Variants in PSMB8 observed in about 807,000 individuals in gnomAD.
PSMB8 encodes proteasome subunit beta type-8.
Under a neutral mutation model 32.3 loss-of-function variants are expected in PSMB8, and 20 were observed. The observed-to-expected ratio is 0.62, with a 90% confidence interval of 0.44 to 0.90. PSMB8 has a LOEUF of 0.90. PSMB8 is among the 40% of genes least tolerant of loss of function. The pLI is 0.00. For synonymous variants in PSMB8, 131 were observed against 135.4 expected, an observed-to-expected ratio of 0.97 and a Z score of 0.23; for missense variants, 342 against 365.4, an observed-to-expected ratio of 0.94 and a Z score of 0.52.
At chr6:32,843,706 C>T in intron 1 of PSMB8, 144 bp downstream of exon 1, 1 of 992,582 alleles carries the variant, frequency 1.0e-6, no homozygotes, top group South Asian at 1.4e-5. Context: ...GTGGCCTCTT[C>T]TTTGGGTCTG....
chr6:32,842,678 T>G lies in PSMB8; in HGVS notation c.401A>C (p.Glu134Ala). 6.2e-7 allele frequency: 1 copy of G among 1,613,648 alleles called. No individual in the cohort carries two copies. The highest frequency in any genetic ancestry group is 8.5e-7 in the Non-Finnish European group (1 of 1,179,700). ...CQYWERLLAK[E>A]CRLYYLRNGE... is the part of the protein sequence containing the mutation. ...GATGAGAGGCCTCGCTTACCTGCAT[T>G]CCTTGGCCAGCAGGCGCTCCCAGTA... Residue 134 changes from glutamate (E) to alanine (A), a missense_variant, in exon 3 of 6, where the codon GAA becomes GCA. Transcript: ENST00000374882.
At chr6:32,843,201 C>A (rs565842666) in intron 1 of PSMB8, 112 bp from the exon 2 acceptor site, 20 of 1,230,078 alleles carry the variant, frequency 1.6e-5, no homozygotes, top group Admixed American at 5.6e-5. Context: ...ATGATCTAAC[C>A]ATCAATAAAT....
chr6:32,844,285 GC>G (rs990300757), upstream of PSMB8: 3 of 1,613,820 alleles, frequency 1.9e-6, no homozygotes, highest in Admixed American at 5.0e-5. Context: ...GTACCTCCAG[GC>G]CCGGGCATCC....
chr6:32,844,558 G>A, upstream of PSMB8: 1 of 993,220 alleles, frequency 1.0e-6, no homozygotes. Flanking sequence ...CTTTCCACGG[G>A]GTCCATCCTA....
chr6:32,842,662 C>A lies in PSMB8; in HGVS notation c.407+10G>T, dbSNP rs766223484. On this transcript the variant is annotated intron_variant, in intron 3 of 5. Transcript: ENST00000374882. The stretch of plus-strand genomic sequence containing the variant: ...TAGGCTAAGAAAGGAAGATGAGAGG[C>A]CTCGCTTACCTGCATTCCTTGGCCA... 6.2e-7 allele frequency: 1 copy of A among 1,604,132 alleles called. No homozygotes were observed. Among genetic ancestry groups the A allele is most frequent in the Non-Finnish European group, 8.5e-7 (1 of 1,171,446 alleles).
chr6:32,842,911 A>G (rs749902377), intron 2 of PSMB8, 31 bp downstream of exon 2: 138 of 1,613,836 alleles, frequency 8.6e-5, no homozygotes, highest in Non-Finnish European at 1.1e-4. Flanking sequence ...CCAGCTCCCC[A>G]GATTCTGCCT....
At chr6:32,841,325 C>T (rs1198126982) in intron 5 of PSMB8, among the ~76,000 whole-genome samples, 1 of 152,162 alleles carries the variant, frequency 6.6e-6, no homozygotes, top group East Asian at 1.9e-4. Flanking sequence ...GCAAGCTCCA[C>T]CTCCCAGGTT....
At chr6:32,843,324 CAT>C (rs1251994324) in intron 1 of PSMB8, among the ~76,000 whole-genome samples, 1 of 152,192 alleles carries the variant, frequency 6.6e-6, no homozygotes, top group African/African-American at 2.4e-5. Context: ...AAAGCAAGCA[CAT>C]GTTACCATTA....
intron 3 of PSMB8, 51 bp from the exon 4 acceptor site, chr6:32,842,314 T>C: frequency 1.9e-6 from 3 of 1,600,722 alleles, no homozygotes; most frequent in Non-Finnish European, 2.6e-6. Flanking sequence ...TCTTTCCAAC[T>C]TGATGGGGCA....
chr6:32,842,555 T>A (rs1174804611), intron 3 of PSMB8, 117 bp downstream of exon 3: 1 of 1,043,018 alleles, frequency 9.6e-7, no homozygotes, highest in Non-Finnish European at 1.5e-6. Context: ...AGCTGTTTTG[T>A]GAAATATACT....
At chr6:32,842,093 G>T in intron 4 of PSMB8, 41 bp downstream of exon 4, 3 of 1,612,990 alleles carry the variant, frequency 1.9e-6, no homozygotes, top group Non-Finnish European at 2.5e-6. Flanking sequence ...GTCATCCATA[G>T]GGAACATGGT....
chr6:32,842,714 G>C lies in PSMB8; in HGVS notation c.365C>G (p.Ala122Gly). ...YLLGTMSGCAADCQYWERLLA... is the reference protein window; with the variant it reads ...YLLGTMSGCAGDCQYWERLLA... ...CAGGCGCTCCCAGTACTGACAGTCT[G>C]CTGCACAGCCAGACATGGTGCCAAG... The change falls in exon 3 of 6, where the codon GCA (alanine) becomes GGA (glycine). Residue 122 changes from alanine (A) to glycine (G), a missense_variant. Transcript: ENST00000374882. 2 of 1,614,254 alleles carry C rather than the reference G, an allele frequency of 1.2e-6. No homozygotes were observed. Among genetic ancestry groups the C allele is most frequent in the South Asian group, 2.2e-5 (2 of 91,090 alleles).
At chr6:32,844,267 A>G, upstream of PSMB8, 2 of 1,613,684 alleles carry the variant, frequency 1.2e-6, no homozygotes, top group Non-Finnish European at 1.7e-6. Context: ...GATGGGTTAC[A>G]GTAAGAGGTA....
Position 32,841,655 on chromosome 6 carries a change from A to T in PSMB8, c.618T>A (p.Tyr206Ter). 1 of 1,613,016 alleles carries T rather than the reference A, an allele frequency of 6.2e-7. No homozygotes were observed. Among genetic ancestry groups the T allele is most frequent in the South Asian group, 1.1e-5 (1 of 91,088 alleles). The change falls in exon 5 of 6, where the codon TAT becomes TAA. Residue 206 changes from tyrosine to a stop codon, truncating the protein, a stop_gained. Coordinates refer to ENST00000374882, the MANE Select transcript of PSMB8 (RefSeq NM_148919.4). LOFTEE classifies it high-confidence loss of function. ...NMFSTGSGNT[Y>*]AYGVMDSGYR... ...AGCCACTGTCCATGACCCCGTAGGC[A>T]TAAGTGTTCCCACTACCCGTGGAGA... is the stretch of plus-strand genomic sequence containing the variant.
chr6:32,841,142 G>T, intron 5 of PSMB8, 95 bp from the exon 6 acceptor site: 1 of 1,106,742 alleles, frequency 9.0e-7, no homozygotes, highest in Non-Finnish European at 1.4e-6. Flanking sequence ...AGACACATGC[G>T]CAAGCTTAAA....
Position 32,844,007 on chromosome 6 carries a change from C to T in PSMB8, c.-11G>A. 1 of 1,610,404 alleles carries T rather than the reference C, an allele frequency of 6.2e-7. No homozygotes were observed. Among genetic ancestry groups the T allele is most frequent in the Non-Finnish European group, 8.5e-7 (1 of 1,178,450 alleles). The stretch of plus-strand genomic sequence containing the variant: ...ATCTAGTAGCGCCATGACCGCCCAG[C>T]ACCCAGAGATCTGTCCGCTCTCGGA... On this transcript the variant is annotated 5_prime_UTR_variant, in exon 1 of 6. Coordinates refer to ENST00000374882, the MANE Select transcript of PSMB8 (RefSeq NM_148919.4).
At chr6:32,842,582 A>T in intron 3 of PSMB8, 90 bp downstream of exon 3, 1 of 1,188,478 alleles carries the variant, frequency 8.4e-7, no homozygotes. Context: ...ACTAAGATGG[A>T]CCACATAGGA....
At chr6:32,841,981 A>T in intron 4 of PSMB8, 153 bp downstream of exon 4, 1 of 1,219,392 alleles carries the variant, frequency 8.2e-7, no homozygotes, top group Non-Finnish European at 1.2e-6. Flanking sequence ...CTGGGCCAAT[A>T]AATAGTCCAT....
chr6:32,842,181 C>T lies in PSMB8; in HGVS notation c.490G>A (p.Gly164Ser), dbSNP rs781587612. The T allele has an allele frequency of 6.2e-7, 1 of 1,613,130 alleles. No individual in the cohort carries two copies. Among genetic ancestry groups the T allele is most frequent in the Admixed American group, 1.7e-5 (1 of 60,032 alleles). The change falls in exon 4 of 6, where the codon GGC becomes AGC. Residue 164 changes from glycine (G) to serine (S), a missense_variant. Transcript: ENST00000374882. ...LLSNMMCQYRGMGLSMGSMIC... is the reference protein window; with the variant it reads ...LLSNMMCQYRSMGLSMGSMIC... ...ATACTGCCCATAGAGAGGCCCATGC[C>T]CCGGTACTGGCACATCATGTTGGAC...
Sources: allele counts gnomAD v4.1 joint callset (sites outside exome capture counted in the v4.1 genomes callset), GRCh38; gene constraint gnomAD v4.1.1; transcripts MANE v1.5; gene names NCBI Gene and HGNC (gene_info 2026-07-23, HGNC 2026-07-21).